The following NFIB variants were observed in gnomAD, a reference collection of about 807,000 sequenced individuals.
NFIB encodes the protein nuclear factor 1 B-type.
NFIB carries 11 observed loss-of-function variants against 61.5 expected under a neutral mutation model. The observed-to-expected ratio is 0.18, with a 90% CI of 0.11 to 0.30. The LOEUF is 0.30. NFIB is among the 10% of genes least tolerant of loss of function. NFIB has a pLI of 1.00. For missense variants in NFIB, 471 were observed against 608.9 expected, an observed-to-expected ratio of 0.77 and a Z score of 2.38; for synonymous variants, 260 against 216.5, an observed-to-expected ratio of 1.20 and a Z score of -1.76.
At chr9:14,428,611 C>T in the NFIB span, among the ~76,000 whole-genome samples, 1 of 152,202 alleles carries the variant, frequency 6.6e-6, no homozygotes, top group Non-Finnish European at 1.5e-5. Context: ...TCTGAAATTG[C>T]TCCAGCCTCT....
At chr9:14,417,606 T>G in the NFIB span, among the ~76,000 whole-genome samples, 1 of 152,142 alleles carries the variant, frequency 6.6e-6, no homozygotes, top group Admixed American at 6.5e-5. Context: ...ATTAAAGATA[T>G]TGAAGTTTCT....
At chr9:14,251,610 C>T (rs1319086047) in intron 2 of NFIB, among the ~76,000 whole-genome samples, 2 of 152,230 alleles carry the variant, frequency 1.3e-5, no homozygotes, top group Non-Finnish European at 2.9e-5. Flanking sequence ...CTAGGCATCA[C>T]TTCACTGTTA....
At chr9:14,261,833 T>C (rs999483841) in intron 2 of NFIB, among the ~76,000 whole-genome samples, 1 of 152,170 alleles carries the variant, frequency 6.6e-6, no homozygotes, top group Non-Finnish European at 1.5e-5. Context: ...TGAGCTCAGT[T>C]AATGGAAATT....
At chr9:14,187,780 A>T (rs1309875064) in intron 2 of NFIB, among the ~76,000 whole-genome samples, 1 of 152,214 alleles carries the variant, frequency 6.6e-6, no homozygotes, top group Non-Finnish European at 1.5e-5. Context: ...TGGAAAAAAA[A>T]TCATATTATC....
At chr9:14,294,441 A>G (rs1215691365) in intron 2 of NFIB, among the ~76,000 whole-genome samples, 1 of 152,240 alleles carries the variant, frequency 6.6e-6, no homozygotes, top group Non-Finnish European at 1.5e-5. Flanking sequence ...ATACATTAGA[A>G]AGACATCATA....
At chr9:14,164,427 C>T (rs1470827588) in intron 3 of NFIB, among the ~76,000 whole-genome samples, 1 of 151,968 alleles carries the variant, frequency 6.6e-6, no homozygotes, top group Non-Finnish European at 1.5e-5. Flanking sequence ...TGTACTGATA[C>T]CGTAGGGGAT....
Position 14,307,616 on chromosome 9 carries a change from T to A in NFIB, c.31-96A>T. 8.4e-7 allele frequency: 1 copy of A among 1,189,852 alleles called. No homozygotes were observed. Among genetic ancestry groups the A allele is most frequent in the East Asian group, 2.5e-5 (1 of 40,588 alleles). The allele number at this position is 1,189,852 out of a possible 1,614,324, so 73.7% of individuals were successfully genotyped here. A position where few individuals can be genotyped will look rare whatever the true frequency, so the allele number is the denominator to read the frequency against. On this transcript the variant is annotated intron_variant, in intron 1 of 10. Transcript: ENST00000380953. This position sits in a 1 kb window ranked among gnomAD's most constrained non-coding sequence, Gnocchi z 5.3. ...AAAGAAGACCACAACCCGTTTCCAA[T>A]TCAGTACAAAAAGTTATACATGAAA... is the stretch of plus-strand genomic sequence containing the variant.
At chr9:14,410,755 A>T in the NFIB span, among the ~76,000 whole-genome samples, 1 of 152,304 alleles carries the variant, frequency 6.6e-6, no homozygotes, top group East Asian at 1.9e-4. Flanking sequence ...ACTTTCCTAA[A>T]CATGAGGTCT....
the NFIB span, among the ~76,000 whole-genome samples, chr9:14,429,326 C>G: frequency 6.6e-6 from 1 of 152,148 alleles, no homozygotes; most frequent in Non-Finnish European, 1.5e-5. Flanking sequence ...TGCTAAGAAA[C>G]CAAAGTACAA....
the NFIB span, among the ~76,000 whole-genome samples, chr9:14,484,241 C>G: frequency 2.0e-5 from 3 of 152,226 alleles, no homozygotes; most frequent in Admixed American, 6.5e-5. Flanking sequence ...CAGACAAAAT[C>G]CCTGCCCTGA....
chr9:14,114,719 G>T (rs903533873), intron 9 of NFIB, among the ~76,000 whole-genome samples: 5 of 152,120 alleles, frequency 3.3e-5, no homozygotes, highest in African/African-American at 1.2e-4. Flanking sequence ...GATCATTTGG[G>T]TCTGATCCTC....
chr9:14,147,727 C>G (rs1308250102), intron 5 of NFIB, among the ~76,000 whole-genome samples: 1 of 150,138 alleles, frequency 6.7e-6, no homozygotes, highest in East Asian at 2.0e-4. Flanking sequence ...CAGCAAACTC[C>G]ACCTCCCAGG....
the NFIB span, among the ~76,000 whole-genome samples, chr9:14,525,858 G>C: frequency 6.6e-6 from 1 of 152,078 alleles, no homozygotes; most frequent in South Asian, 2.1e-4. Context: ...TGTTATTTGT[G>C]TGTATTTTGG....
chr9:14,352,208 G>A (rs1385883904), intron 1 of NFIB, among the ~76,000 whole-genome samples: 1 of 151,968 alleles, frequency 6.6e-6, no homozygotes, highest in Non-Finnish European at 1.5e-5. Flanking sequence ...AGCATAAAAT[G>A]AAAGTAAAAG....
chr9:14,340,189 T>C (rs2060933655), intron 1 of NFIB, among the ~76,000 whole-genome samples: 1 of 152,194 alleles, frequency 6.6e-6, no homozygotes, highest in South Asian at 2.1e-4. Flanking sequence ...GATCTGCGCA[T>C]TAGCATTTTC....
At chr9:14,482,823 A>T in the NFIB span, among the ~76,000 whole-genome samples, 2 of 152,374 alleles carry the variant, frequency 1.3e-5, no homozygotes, top group East Asian at 3.9e-4. Context: ...TAGCATCTAA[A>T]TACATATTTA....
At chr9:14,379,953 G>T (rs981688890) in intron 1 of NFIB, among the ~76,000 whole-genome samples, 1 of 150,886 alleles carries the variant, frequency 6.6e-6, no homozygotes, top group Non-Finnish European at 1.5e-5. Context: ...AAAGTACTGG[G>T]ATTACAGGTG....
chr9:14,517,118 T>A, the NFIB span, among the ~76,000 whole-genome samples: 2 of 152,356 alleles, frequency 1.3e-5, no homozygotes, highest in Non-Finnish European at 2.9e-5. Context: ...CTAAATAGAT[T>A]GGGAGCCACT....
chr9:14,374,854 G>A (rs766080157), intron 1 of NFIB, among the ~76,000 whole-genome samples: 16 of 152,262 alleles, frequency 1.1e-4, no homozygotes, highest in South Asian at 4.1e-4. Context: ...AGGTTGCAGT[G>A]AGACAAGATT....
Sources: gnomAD v4.1 joint callset for allele counts (sites outside exome capture counted in the v4.1 genomes callset) on GRCh38, gnomAD v4.1.1 for gene constraint, Gnocchi (gnomAD v3.1) non-coding constraint, MANE v1.5 for transcripts, NCBI Gene and HGNC (gene_info 2026-07-23, HGNC 2026-07-21) for gene names.